The following KIAA1217 variants were observed in gnomAD, a reference collection of about 807,000 sequenced individuals.
KIAA1217 encodes the protein KIAA1217.
Under a neutral mutation model 163.9 loss-of-function variants are expected in KIAA1217, and 88 were observed. That is an observed-to-expected ratio of 0.54 (90% confidence interval 0.45 to 0.64). KIAA1217 has a LOEUF of 0.64. KIAA1217 is among the 30% of genes least tolerant of loss of function. The pLI, the probability that KIAA1217 is intolerant of heterozygous loss-of-function variation, is 0.00. For synonymous variants in KIAA1217, 903 were observed against 923.1 expected (o/e 0.98, Z 0.39); for missense variants, 2,372 against 2,475.0 (o/e 0.96, Z 0.88).
At chr10:23,987,277 T>C (rs1388244384) in intron 1 of KIAA1217, among the ~76,000 whole-genome samples, 2 of 148,970 alleles carry the variant, frequency 1.3e-5, no homozygotes, top group African/African-American at 5.0e-5. Flanking sequence ...CTCCGGAGGC[T>C]GAGGCAGGAG....
intron 2 of KIAA1217, among the ~76,000 whole-genome samples, chr10:24,293,103 C>T (rs570847396): frequency 3.3e-5 from 5 of 152,252 alleles, no homozygotes; most frequent in South Asian, 4.1e-4. Flanking sequence ...AGTACAGTGG[C>T]GTAATCTTGG....
intron 1 of KIAA1217, among the ~76,000 whole-genome samples, chr10:23,852,564 A>T (rs548916621): frequency 1.3e-5 from 2 of 152,212 alleles, no homozygotes; most frequent in Non-Finnish European, 2.9e-5. Flanking sequence ...AGCCATTGGT[A>T]GCTTGATGGG....
At chr10:23,934,573 A>G (rs1306753220) in intron 1 of KIAA1217, among the ~76,000 whole-genome samples, 2 of 75,152 alleles carry the variant, frequency 2.7e-5, no homozygotes, top group Non-Finnish European at 4.3e-5. Flanking sequence ...ATATATATAT[A>G]TATATATATA....
At chr10:24,004,324 A>G (rs890875094) in intron 1 of KIAA1217, among the ~76,000 whole-genome samples, 10 of 150,018 alleles carry the variant, frequency 6.7e-5, no homozygotes, top group African/African-American at 2.5e-4. Context: ...GGTTAAGCCA[A>G]GTGGTCTTGA....
At chr10:24,400,704 G>A (rs2056422941) in intron 3 of KIAA1217, among the ~76,000 whole-genome samples, 1 of 152,088 alleles carries the variant, frequency 6.6e-6, no homozygotes, top group Middle Eastern at 3.2e-3. Context: ...GTATTCAGCT[G>A]AAGAGAGAAA....
chr10:24,060,818 C>A (rs905514738), intron 2 of KIAA1217, among the ~76,000 whole-genome samples: 3 of 151,906 alleles, frequency 2.0e-5, no homozygotes, highest in East Asian at 3.9e-4. Context: ...AGAGTGAAAC[C>A]CTGTTTAAAA....
chr10:24,462,520 G>T (rs1479420249), intron 5 of KIAA1217, among the ~76,000 whole-genome samples: 2 of 152,222 alleles, frequency 1.3e-5, no homozygotes. Context: ...AACCGAGGAA[G>T]CTGGGGTTCT....
chr10:24,389,974 A>G (rs2054618850), intron 3 of KIAA1217, among the ~76,000 whole-genome samples: 1 of 152,174 alleles, frequency 6.6e-6, no homozygotes, highest in Non-Finnish European at 1.5e-5. Context: ...CTTCCAATCA[A>G]GGCAGCATGG....
At chr10:23,730,971 TCTAC>T (rs1469344629) in intron 1 of KIAA1217, among the ~76,000 whole-genome samples, 2 of 152,250 alleles carry the variant, frequency 1.3e-5, no homozygotes, top group East Asian at 1.9e-4. Flanking sequence ...TTCCAATCTG[TCTAC>T]CTTTTAATTC....
intron 1 of KIAA1217, among the ~76,000 whole-genome samples, chr10:23,857,956 TAA>T (rs770985064): frequency 1.4e-5 from 2 of 140,732 alleles, no homozygotes; most frequent in African/African-American, 2.6e-5. Context: ...TCAATCTGGT[TAA>T]AAAAAAAAAA....
intron 2 of KIAA1217, among the ~76,000 whole-genome samples, chr10:24,105,440 A>T (rs2131728815): frequency 6.6e-6 from 1 of 152,278 alleles, no homozygotes; most frequent in Admixed American, 6.5e-5. Flanking sequence ...AATGTCCCTC[A>T]TTCAGCCCAT....
At chr10:24,210,073 G>T (rs1222803839) in intron 1 of KIAA1217, among the ~76,000 whole-genome samples, 1 of 152,022 alleles carries the variant, frequency 6.6e-6, no homozygotes, top group Non-Finnish European at 1.5e-5. Context: ...CACAGCCCTG[G>T]ACCACCCGCC....
chr10:23,942,199 T>C (rs2131337147), intron 1 of KIAA1217, among the ~76,000 whole-genome samples: 1 of 152,144 alleles, frequency 6.6e-6, no homozygotes, highest in Middle Eastern at 3.4e-3. Context: ...AGAATGAAGA[T>C]AAAAAACTGA....
intron 1 of KIAA1217, among the ~76,000 whole-genome samples, chr10:23,862,560 A>T (rs547230222): frequency 1.3e-5 from 2 of 152,154 alleles, no homozygotes; most frequent in African/African-American, 4.8e-5. Context: ...TTTAAGATAT[A>T]GGGAAATTTT....
At chr10:23,819,623 C>T (rs549207962) in intron 1 of KIAA1217, among the ~76,000 whole-genome samples, 82 of 152,312 alleles carry the variant, frequency 5.4e-4, no homozygotes, top group Non-Finnish European at 9.7e-4. Context: ...ACACTTAGCT[C>T]CTGTAGGAAA....
intron 1 of KIAA1217, among the ~76,000 whole-genome samples, chr10:23,874,026 G>A (rs1366077869): frequency 1.3e-5 from 2 of 151,960 alleles, no homozygotes; most frequent in African/African-American, 2.4e-5. Context: ...TGTATCTAAT[G>A]TTTCCTTTGC....
chr10:24,453,506 C>T (rs1469158515), intron 5 of KIAA1217, among the ~76,000 whole-genome samples: 2 of 152,132 alleles, frequency 1.3e-5, no homozygotes, highest in African/African-American at 4.8e-5. Flanking sequence ...GAGAATAGGC[C>T]ATCATGTCAA....
intron 1 of KIAA1217, among the ~76,000 whole-genome samples, chr10:23,857,555 A>T (rs1000096757): frequency 2.0e-4 from 30 of 152,296 alleles, no homozygotes; most frequent in African/African-American, 7.0e-4. Context: ...TATCACAATC[A>T]TCTGGAGAAT....
At chr10:23,708,075 G>T (rs1285705098) in intron 1 of KIAA1217, among the ~76,000 whole-genome samples, 4 of 152,174 alleles carry the variant, frequency 2.6e-5, no homozygotes, top group African/African-American at 9.6e-5. Context: ...GGCTGGGGAG[G>T]CCTCACAATC....
Sources: allele counts gnomAD v4.1 joint callset (sites outside exome capture counted in the v4.1 genomes callset), GRCh38; gene constraint gnomAD v4.1.1; transcripts MANE v1.5; gene names NCBI Gene and HGNC (gene_info 2026-07-23, HGNC 2026-07-21).